Variants in RGS7 observed in about 807,000 individuals in gnomAD.
RGS7 encodes regulator of G protein signaling 7.
A neutral mutation model predicts 81.1 loss-of-function variants in RGS7; 27 were observed. The observed-to-expected ratio is 0.33, with a 90% CI of 0.25 to 0.46. RGS7 has a LOEUF of 0.46. RGS7 is among the 20% of genes least tolerant of loss of function. The probability of loss-of-function intolerance (pLI) is 1.00; values close to 1 mark genes in which losing one functional copy is unlikely to be tolerated. For synonymous variants in RGS7, 208 were observed against 207.7 expected, an observed-to-expected ratio of 1.00 and a Z score of -0.01; for missense variants, 396 against 607.4, an observed-to-expected ratio of 0.65 and a Z score of 3.66.
At chr1:241,090,011 A>AAG (rs1553415263) in intron 3 of RGS7, among the ~76,000 whole-genome samples, 4,314 of 141,412 alleles carry the variant, frequency 0.031, 109 homozygotes, top group Non-Finnish European at 0.045. Flanking sequence ...AAAAAAAAAA[A>AAG]AGAGAGAGAG....
intron 2 of RGS7, among the ~76,000 whole-genome samples, chr1:241,228,460 C>T (rs1482467289): frequency 6.6e-6 from 1 of 152,134 alleles, no homozygotes; most frequent in Non-Finnish European, 1.5e-5. Context: ...GTTATATTAT[C>T]TATCTATAAA....
intron 2 of RGS7, among the ~76,000 whole-genome samples, chr1:241,186,664 C>T (rs1332412427): frequency 2.0e-5 from 3 of 151,612 alleles, no homozygotes; most frequent in Admixed American, 6.6e-5. Context: ...GCTGGGATTA[C>T]AGGCATGCAC....
intron 6 of RGS7, among the ~76,000 whole-genome samples, chr1:240,881,792 A>G (rs1019294892): frequency 1.3e-5 from 2 of 152,236 alleles, no homozygotes; most frequent in Non-Finnish European, 2.9e-5. Context: ...ACATAGTAAT[A>G]AAGACTGTGT....
intron 14 of RGS7, among the ~76,000 whole-genome samples, chr1:240,811,245 T>C (rs1160601350): frequency 7.2e-5 from 11 of 152,244 alleles, no homozygotes; most frequent in African/African-American, 2.4e-4. Context: ...TATCACTCCC[T>C]TCAATGATGT....
intron 3 of RGS7, among the ~76,000 whole-genome samples, chr1:241,081,051 C>G (rs1482930184): frequency 1.3e-5 from 2 of 152,182 alleles, no homozygotes; most frequent in Non-Finnish European, 2.9e-5. Context: ...CGGGAGCACA[C>G]TGGAGCGGTG....
chr1:241,063,775 T>C (rs1438212127), intron 3 of RGS7, among the ~76,000 whole-genome samples: 1 of 152,066 alleles, frequency 6.6e-6, no homozygotes, highest in Admixed American at 6.5e-5. Flanking sequence ...GTAAAAATGA[T>C]GGTGATATTA....
At chr1:240,925,162 AG>A (rs1216176328) in intron 6 of RGS7, among the ~76,000 whole-genome samples, 11 of 151,980 alleles carry the variant, frequency 7.2e-5, no homozygotes, top group African/African-American at 2.2e-4. Flanking sequence ...GTACATGTGC[AG>A]GTTTGTTACA....
At chr1:241,326,321 A>C (rs534378887) in intron 2 of RGS7, among the ~76,000 whole-genome samples, 39 of 152,188 alleles carry the variant, frequency 2.6e-4, no homozygotes, top group Non-Finnish European at 4.4e-4. Flanking sequence ...TCCAGAAAGA[A>C]TTGGATAAAC....
intron 2 of RGS7, among the ~76,000 whole-genome samples, chr1:241,344,243 GA>G (rs1378040608): frequency 3.9e-5 from 6 of 152,262 alleles, no homozygotes; most frequent in Admixed American, 1.3e-4. Context: ...ATGCCACAAT[GA>G]AAAATTGTAA....
intron 4 of RGS7, among the ~76,000 whole-genome samples, chr1:240,965,880 T>A (rs1254268718): frequency 6.6e-6 from 1 of 152,200 alleles, no homozygotes; most frequent in African/African-American, 2.4e-5. Flanking sequence ...ATCGGGCACA[T>A]TCATCAAATG....
rs144426919 is a variant in RGS7 at position 240,867,656 on chromosome 1, A to G, written c.609+931T>C. Among the ~76,000 whole-genome samples the G allele has an allele frequency of 8.4e-4, 128 of 152,322 alleles. No individual in the cohort carries two copies. The Middle Eastern group carries it at 0.024, about 28-fold the overall frequency. ...CTGATTTGAATTTGAGCCACAGGAA[A>G]TGAAAGTCTGTGAAAGTCAACAACC... On this transcript the variant is annotated intron_variant, in intron 9 of 18. Transcript: ENST00000440928.
chr1:241,022,559 GC>G (rs2059594064), intron 3 of RGS7, among the ~76,000 whole-genome samples: 1 of 151,942 alleles, frequency 6.6e-6, no homozygotes, highest in South Asian at 2.1e-4. Flanking sequence ...TGGTCTTATG[GC>G]CCCCATCCAG....
At position 241,356,893 on chromosome 1, in the gene RGS7, A is replaced by G. The variant is rs1329290844; in HGVS notation, c.-51+6T>C. 1 of 150,884 alleles carries G rather than the reference A, an allele frequency of 6.6e-6. No individual in the cohort carries two copies. The highest frequency in any genetic ancestry group is 1.5e-5 in the Non-Finnish European group (1 of 67,714). The allele number at this position is 150,884 out of a possible 1,614,324, so 9.3% of individuals were successfully genotyped here. Reference sequence around the variant, plus strand: ...TGCCTCCTCCCCGCCCGCCTTCCCTATTTACCTCCTCCGCCAAGGTCACGG... The same window carrying G: ...TGCCTCCTCCCCGCCCGCCTTCCCTGTTTACCTCCTCCGCCAAGGTCACGG... On this transcript the variant is annotated splice_donor_region_variant and intron_variant, in intron 1 of 18. Transcript: ENST00000440928.
chr1:240,834,958 A>T (rs1241542398), intron 9 of RGS7, among the ~76,000 whole-genome samples: 1 of 147,302 alleles, frequency 6.8e-6, no homozygotes, highest in African/African-American at 2.5e-5. Context: ...ACACACACAA[A>T]CTCAAAATGA....
At chr1:240,962,353 T>C (rs16841168) in intron 4 of RGS7, among the ~76,000 whole-genome samples, 1,798 of 152,314 alleles carry the variant, frequency 0.012, 20 homozygotes, top group Middle Eastern at 0.027. Context: ...TCCTGCTCTC[T>C]ATGGTTAAAA....
chr1:241,061,953 A>C (rs887727501), intron 3 of RGS7, among the ~76,000 whole-genome samples: 2 of 152,192 alleles, frequency 1.3e-5, no homozygotes, highest in Admixed American at 6.5e-5. Context: ...ACACTCAAGA[A>C]TCACAACATA....
chr1:240,879,750 T>A (rs1333338734), intron 6 of RGS7, among the ~76,000 whole-genome samples: 1 of 152,238 alleles, frequency 6.6e-6, no homozygotes, highest in East Asian at 1.9e-4. Context: ...CCATAAATGA[T>A]GGAGAAATTA....
chr1:241,264,507 A>G (rs928318724), intron 2 of RGS7, among the ~76,000 whole-genome samples: 2 of 152,206 alleles, frequency 1.3e-5, no homozygotes, highest in African/African-American at 2.4e-5. Flanking sequence ...AAAGAAAAAA[A>G]AAAGACATTA....
At chr1:241,310,397 G>A (rs1397935653) in intron 2 of RGS7, among the ~76,000 whole-genome samples, 2 of 146,856 alleles carry the variant, frequency 1.4e-5, no homozygotes, top group Admixed American at 6.7e-5. Flanking sequence ...GCGTGTGAGT[G>A]TGTTTGTGTG....
Sources: gnomAD v4.1 joint callset for allele counts (sites outside exome capture counted in the v4.1 genomes callset) on GRCh38, gnomAD v4.1.1 for gene constraint, MANE v1.5 for transcripts, NCBI Gene and HGNC (gene_info 2026-07-23, HGNC 2026-07-21) for gene names.